MPHOSPH9: variants seen among roughly 807,000 people sequenced by gnomAD.
The protein encoded by MPHOSPH9 is M-phase phosphoprotein 9.
Under a neutral mutation model 145.5 loss-of-function variants are expected in MPHOSPH9, and 88 were observed. The ratio of observed to expected loss-of-function variants is 0.60; its 90% CI spans 0.51 to 0.72. MPHOSPH9 has a LOEUF of 0.72. MPHOSPH9 is among the 30% of genes least tolerant of loss of function. The pLI is 0.00. For missense variants in MPHOSPH9, 1,238 were observed against 1,386.6 expected, an observed-to-expected ratio of 0.89 and a Z score of 1.70; for synonymous variants, 435 against 486.2, an observed-to-expected ratio of 0.89 and a Z score of 1.39.
chr12:123,199,065 G>A (rs1302756438), intron 11 of MPHOSPH9, among the ~76,000 whole-genome samples: 1 of 151,694 alleles, frequency 6.6e-6, no homozygotes, highest in Non-Finnish European at 1.5e-5. Context: ...AAGTACAGTG[G>A]TGCAATCACG....
upstream of MPHOSPH9, among the ~76,000 whole-genome samples, chr12:123,238,081 A>G (rs1204687505): frequency 6.6e-6 from 1 of 151,996 alleles, no homozygotes; most frequent in Non-Finnish European, 1.5e-5. Flanking sequence ...ATTTTAGTAC[A>G]GAGGGGGTTT....
chr12:123,203,940 G>C (rs2046318751), intron 8 of MPHOSPH9, among the ~76,000 whole-genome samples: 1 of 152,092 alleles, frequency 6.6e-6, no homozygotes, highest in Non-Finnish European at 1.5e-5. Context: ...TCCCACCTTA[G>C]CTTCCCAAAG....
intron 16 of MPHOSPH9, among the ~76,000 whole-genome samples, chr12:123,169,142 C>T (rs1245283554): frequency 1.3e-5 from 2 of 151,716 alleles, no homozygotes; most frequent in Non-Finnish European, 2.9e-5. Context: ...CCACCTTGGC[C>T]TCCCAAAGTG....
At chr12:123,175,864 T>C (rs895645232) in intron 16 of MPHOSPH9, among the ~76,000 whole-genome samples, 2 of 151,364 alleles carry the variant, frequency 1.3e-5, no homozygotes, top group African/African-American at 4.9e-5. Context: ...TCTACTAAGA[T>C]TAATTAACAA....
chr12:123,210,021 C>T (rs779670258), intron 8 of MPHOSPH9, 35 bp downstream of exon 8: 3 of 1,506,336 alleles, frequency 2.0e-6, no homozygotes, highest in South Asian at 2.4e-5. Flanking sequence ...CAGGCGTAAG[C>T]CACCGCGCCC....
chr12:123,223,100 C>A lies in MPHOSPH9; in HGVS notation c.286G>T (p.Val96Leu). 6.8e-7 allele frequency: 1 copy of A among 1,474,492 alleles called. No individual in the cohort carries two copies. The highest frequency in any genetic ancestry group is 8.9e-7 in the Non-Finnish European group (1 of 1,121,708). The allele number at this position is 1,474,492 out of a possible 1,614,324, so 91.3% of individuals were successfully genotyped here. A position where few individuals can be genotyped will look rare whatever the true frequency, so the allele number is the denominator to read the frequency against. ...ATCTGTTCTTGGCATTGTTTTTCCA[C>A]CAAATTGAATAGCTGTAACCACCTG... Reference protein sequence around the residue: ...ETRWLQLFNLVEKQCQEQIVA... With the variant: ...ETRWLQLFNLLEKQCQEQIVA... The change falls in exon 4 of 24, where the codon GTG becomes TTG. Residue 96 changes from valine (V) to leucine (L), a missense_variant. By Grantham distance (32) the Val-to-Leu change is conservative. Transcript: ENST00000606320.
At chr12:123,181,039 T>A in intron 14 of MPHOSPH9, 124 bp downstream of exon 14, 2 of 846,256 alleles carry the variant, frequency 2.4e-6, no homozygotes, top group Non-Finnish European at 4.0e-6. Flanking sequence ...TAAGCAAGGT[T>A]CCAGTTCAAC....
At chr12:123,215,833 TA>T (rs912424218) in intron 6 of MPHOSPH9, among the ~76,000 whole-genome samples, 2 of 152,162 alleles carry the variant, frequency 1.3e-5, no homozygotes, top group Non-Finnish European at 1.5e-5. Context: ...CACACTGAAA[TA>T]ACACTACCTA....
intron 1 of MPHOSPH9, among the ~76,000 whole-genome samples, chr12:123,243,670 A>G (rs2047985861): frequency 6.6e-6 from 1 of 152,014 alleles, no homozygotes; most frequent in Non-Finnish European, 1.5e-5. Context: ...GCGCCACTGT[A>G]CTCCACCCTG....
chr12:123,239,410 G>GTTTTTTTGTTTT (rs80347690), intron 1 of MPHOSPH9, among the ~76,000 whole-genome samples: 2 of 145,820 alleles, frequency 1.4e-5, no homozygotes, highest in East Asian at 2.1e-4. Context: ...TTGTTTTTTT[G>GTTTTTTTGTTTT]TTTGTTTTTT....
Position 123,218,361 on chromosome 12 carries a change from T to C in MPHOSPH9, c.996+15A>G. On this transcript the variant is annotated intron_variant, in intron 6 of 23. Transcript: ENST00000606320. Reference sequence around the variant, plus strand: ...TCAGTACTGGAGCCCGCAGGGAAAGTGACTAGTCACCTACTTTCTCAATTG... The same window carrying C: ...TCAGTACTGGAGCCCGCAGGGAAAGCGACTAGTCACCTACTTTCTCAATTG... 1 of 1,613,734 alleles carries C rather than the reference T, an allele frequency of 6.2e-7. No individual in the cohort carries two copies. The highest frequency in any genetic ancestry group is 8.5e-7 in the Non-Finnish European group (1 of 1,179,740).
At position 123,161,158 on chromosome 12, in the gene MPHOSPH9, T is replaced by C; in HGVS notation, c.3359A>G (p.Glu1120Gly). The C allele has an allele frequency of 6.2e-7, 1 of 1,614,012 alleles. No individual in the cohort carries two copies. The highest frequency in any genetic ancestry group is 8.5e-7 in the Non-Finnish European group (1 of 1,179,992). The change falls in exon 22 of 24, where the codon GAA becomes GGA. Residue 1120 changes from glutamate to glycine, a missense_variant. Physicochemically the swap from Glu to Gly is moderately conservative, Grantham distance 98. Coordinates refer to ENST00000606320, the MANE Select transcript of MPHOSPH9 (RefSeq NM_022782.4). ...TACCTGGTCCTTTTCTTTTGTAAGTTCATCAAAAAATCGTTCTGTTTCAGC... is the reference window on the plus strand; with the variant it reads ...TACCTGGTCCTTTTCTTTTGTAAGTCCATCAAAAAATCGTTCTGTTTCAGC... ...TLAETERFFD[E>G]LTKEKDQIEA... is the part of the protein sequence containing the mutation.
intron 13 of MPHOSPH9, among the ~76,000 whole-genome samples, chr12:123,181,876 C>A (rs1256375221): frequency 6.6e-6 from 1 of 152,128 alleles, no homozygotes; most frequent in Non-Finnish European, 1.5e-5. Flanking sequence ...CAGAGCGAGA[C>A]CCTGTCTCAA....
chr12:123,154,219 T>G lies in MPHOSPH9; in HGVS notation c.*2588A>C, dbSNP rs1399167868. ...AGGTGGCAGATTTGCTTAGGGTTTT[T>G]TTTTTTTTTTTCTTTTTAAACTATT... On this transcript the variant is annotated 3_prime_UTR_variant, in exon 24 of 24. Coordinates refer to ENST00000606320, the MANE Select transcript of MPHOSPH9 (RefSeq NM_022782.4). 4.4e-4 allele frequency: 67 copies of G among 151,588 alleles called. No individual in the cohort carries two copies. Among genetic ancestry groups the G allele is most frequent in the African/African-American group, 1.4e-3 (57 of 41,418 alleles). The allele number at this position is 151,588 out of a possible 1,614,324, so 9.4% of individuals were successfully genotyped here.
At chr12:123,230,796 T>TA (rs1482999437) in intron 1 of MPHOSPH9, among the ~76,000 whole-genome samples, 2 of 152,156 alleles carry the variant, frequency 1.3e-5, no homozygotes, top group South Asian at 2.1e-4. Flanking sequence ...CTATGCTAAG[T>TA]AAAAAAAGCC....
intron 1 of MPHOSPH9, among the ~76,000 whole-genome samples, chr12:123,239,721 T>C (rs2047901775): frequency 6.6e-6 from 1 of 152,202 alleles, no homozygotes. Context: ...TAGTTTCTAT[T>C]GGACACCACT....
At chr12:123,241,528 C>T (rs1306632206) in intron 1 of MPHOSPH9, among the ~76,000 whole-genome samples, 1 of 151,770 alleles carries the variant, frequency 6.6e-6, no homozygotes, top group African/African-American at 2.4e-5. Flanking sequence ...TTAGTAGAGA[C>T]GGGGTTTCAC....
intron 1 of MPHOSPH9, among the ~76,000 whole-genome samples, chr12:123,243,534 A>G: frequency 9.4e-6 from 1 of 106,352 alleles, no homozygotes; most frequent in African/African-American, 2.9e-5. Flanking sequence ...CGTCTCAAAA[A>G]AAAAAAAAAA....
intron 13 of MPHOSPH9, among the ~76,000 whole-genome samples, chr12:123,187,254 C>G (rs1461679668): frequency 6.6e-6 from 1 of 151,688 alleles, no homozygotes; most frequent in Non-Finnish European, 1.5e-5. Context: ...AAGCGAAACT[C>G]TGTCTCAAAA....
Sources: allele counts gnomAD v4.1 joint callset (sites outside exome capture counted in the v4.1 genomes callset), GRCh38; gene constraint gnomAD v4.1.1; transcripts MANE v1.5; gene names NCBI Gene and HGNC (gene_info 2026-07-23, HGNC 2026-07-21).